FKBP15: variants seen among roughly 807,000 people sequenced by gnomAD.
FKBP15 encodes FKBP prolyl isomerase family member 15.
A neutral mutation model predicts 158.1 loss-of-function variants in FKBP15; 106 were observed. The observed-to-expected ratio is 0.67, with a 90% confidence interval of 0.57 to 0.79. FKBP15 has a LOEUF of 0.79. Among genes scored for constraint, FKBP15 ranks in the 30% least tolerant of loss-of-function variants. FKBP15 has a pLI of 0.00. For missense variants in FKBP15, 1,287 were observed against 1,479.1 expected, an observed-to-expected ratio of 0.87 and a Z score of 2.13; for synonymous variants, 547 against 548.6, an observed-to-expected ratio of 1.00 and a Z score of 0.04.
At chr9:113,209,341 C>A (rs1395261572) in intron 2 of FKBP15, among the ~76,000 whole-genome samples, 1 of 152,182 alleles carries the variant, frequency 6.6e-6, no homozygotes, top group Admixed American at 6.5e-5. Context: ...TGGGTGGGAA[C>A]TAAGGTTGTT....
In FKBP15 at chr9:113,169,844, A is replaced by G; in HGVS notation, c.2865T>C (p.Pro955=). The G allele has an allele frequency of 6.4e-7, 1 of 1,556,300 alleles. No individual in the cohort carries two copies. Residue 955 remains proline, a synonymous_variant, in exon 26 of 28, where the codon CCT becomes CCC. Transcript: ENST00000238256. ...TGGCTGAGGCTGACTGCTCCTGGGA[A>G]GGTCTTCGTGGCCGCTCTTCTGCTT... The part of the protein sequence containing the change: ...EEKAEERPRR[P]SQEQSASASS...
chr9:113,209,177 T>C (rs986365165), intron 2 of FKBP15, among the ~76,000 whole-genome samples: 3 of 152,166 alleles, frequency 2.0e-5, no homozygotes, highest in Admixed American at 2.0e-4. Flanking sequence ...AATAATCAAG[T>C]TAGCCAGGTG....
chr9:113,162,639 A>T lies in FKBP15; in HGVS notation c.*3439T>A. The T allele has an allele frequency of 2.0e-6, 2 of 1,009,730 alleles. No individual in the cohort carries two copies. The highest frequency in any genetic ancestry group is 1.6e-5 in the African/African-American group (1 of 61,886). 62.5% of individuals were successfully genotyped at this position (1,009,730 alleles called of 1,614,324 possible). Reference sequence around the variant, plus strand: ...CTCCTGGGTTAAGCATACAAGTTATAAATCAATCGGGTCACGTAACTCAAC... The same window carrying T: ...CTCCTGGGTTAAGCATACAAGTTATTAATCAATCGGGTCACGTAACTCAAC... On this transcript the variant is annotated 3_prime_UTR_variant, in exon 28 of 28. Coordinates refer to ENST00000238256, the MANE Select transcript of FKBP15 (RefSeq NM_015258.2).
At chr9:113,204,117 G>C (rs1830844752) in intron 4 of FKBP15, among the ~76,000 whole-genome samples, 1 of 151,786 alleles carries the variant, frequency 6.6e-6, no homozygotes, top group African/African-American at 2.4e-5. Flanking sequence ...CACTCTTGTT[G>C]CCCAGGCTGG....
In FKBP15 at chr9:113,171,583, T is replaced by G. The variant is rs1830209649; in HGVS notation, c.2656A>C (p.Lys886Gln). 2 of 1,607,996 alleles carry G rather than the reference T, an allele frequency of 1.2e-6. No homozygotes were observed. The highest frequency in any genetic ancestry group is 1.7e-6 in the Non-Finnish European group (2 of 1,176,934). Residue 886 changes from lysine (K) to glutamine (Q), a missense_variant and splice_region_variant, in exon 24 of 28, where the codon AAG becomes CAG. Coordinates refer to ENST00000238256, the MANE Select transcript of FKBP15 (RefSeq NM_015258.2). ...TCTCATTTGAAATACCAGCTCACCT[T>G]CTCTGAGGGGTCAGATGCAGCAGCT... ...VEAAASDPSE[K>Q]VKKIMNQVFQ... is the part of the protein sequence containing the mutation.
rs972018047 is a variant in FKBP15, at chr9:113,203,633, T to G, written c.325-598A>C. Among the ~76,000 whole-genome samples, 12 of 151,742 alleles carry G rather than the reference T, an allele frequency of 7.9e-5. 1 individual carries two copies. Among genetic ancestry groups the G allele is most frequent in the South Asian group, 6.3e-4 (3 of 4,764 alleles). ...ACCACTGCCTCCCGGGTTCAAGCAA[T>G]TCTCCTGCCTCAGGCTCCCGAGCAG... On this transcript the variant is annotated intron_variant, in intron 4 of 27. Coordinates refer to ENST00000238256, the MANE Select transcript of FKBP15 (RefSeq NM_015258.2).
intron 1 of FKBP15, among the ~76,000 whole-genome samples, chr9:113,218,339 A>G (rs1831182399): frequency 6.7e-6 from 1 of 149,308 alleles, no homozygotes; most frequent in Non-Finnish European, 1.5e-5. Context: ...AAACGGATAT[A>G]ATAATTAATA....
At chr9:113,215,611 T>C (rs868030631) in intron 1 of FKBP15, among the ~76,000 whole-genome samples, 9,058 of 113,946 alleles carry the variant, frequency 0.079, 443 homozygotes, top group East Asian at 0.17. Flanking sequence ...TGTGCGTGTG[T>C]GTGTGTGTGT....
chr9:113,168,262 A>C (rs1209257770), intron 27 of FKBP15, among the ~76,000 whole-genome samples, 198 bp downstream of exon 27: 1 of 152,186 alleles, frequency 6.6e-6, no homozygotes, highest in Non-Finnish European at 1.5e-5. Flanking sequence ...CTCAAAAGTA[A>C]AGTGGTATGT....
intron 24 of FKBP15, 118 bp downstream of exon 24, chr9:113,171,463 T>A (rs1830207184): frequency 7.8e-7 from 1 of 1,287,396 alleles, no homozygotes; most frequent in Admixed American, 2.6e-5. Flanking sequence ...TTTAAAGTCA[T>A]CAGACAAGTA....
At position 113,174,845 on chromosome 9, in the gene FKBP15, G is replaced by A. The variant is rs1384557764; in HGVS notation, c.2224-262C>T. Among the ~76,000 whole-genome samples the A allele has an allele frequency of 5.9e-4, 3 of 5,084 alleles. 1 individual carries two copies. Among genetic ancestry groups the A allele is most frequent in the Non-Finnish European group, 9.0e-4 (2 of 2,234 alleles). The allele number at this position is 5,084 out of a possible 152,430, so 3.3% of individuals were successfully genotyped here. A position where few individuals can be genotyped will look rare whatever the true frequency, so the allele number is the denominator to read the frequency against. ...TGGGAGGCCGAGGCGGGCGGATCAC[G>A]AGGTCAGGAGATCGAGACCATCCCG... On this transcript the variant is annotated intron_variant, in intron 21 of 27. Transcript: ENST00000238256.
At chr9:113,191,342 A>C (rs1361901770) in intron 11 of FKBP15, among the ~76,000 whole-genome samples, 2 of 151,964 alleles carry the variant, frequency 1.3e-5, no homozygotes, top group East Asian at 1.9e-4. Context: ...TTTTTGGTCG[A>C]GAAAGGGCTT....
intron 19 of FKBP15, among the ~76,000 whole-genome samples, chr9:113,182,179 T>A (rs1830410482): frequency 6.6e-6 from 1 of 151,846 alleles, no homozygotes; most frequent in African/African-American, 2.4e-5. Context: ...AGAAAGACAG[T>A]AGATGAAAAA....
At chr9:113,166,439 T>G (rs187375601) in intron 27 of FKBP15, among the ~76,000 whole-genome samples, 2 of 152,230 alleles carry the variant, frequency 1.3e-5, no homozygotes, top group Admixed American at 1.3e-4. Flanking sequence ...CAGATTTTCC[T>G]CTCATGCAGT....
intron 3 of FKBP15, chr9:113,207,001 C>T (rs2118938728): frequency 3.8e-6 from 2 of 523,812 alleles, no homozygotes; most frequent in Middle Eastern, 5.4e-4. Context: ...GTTGAGGGTA[C>T]AAGCACTCCC....
chr9:113,200,051 T>G, intron 6 of FKBP15, 88 bp from the exon 7 acceptor site: 2 of 1,353,800 alleles, frequency 1.5e-6, no homozygotes, highest in Non-Finnish European at 2.0e-6. Context: ...CTCAAATAGC[T>G]TCATCCACTA....
intron 4 of FKBP15, chr9:113,205,865 T>C (rs2118936134): frequency 6.6e-6 from 1 of 152,334 alleles, no homozygotes; most frequent in South Asian, 2.1e-4. Flanking sequence ...TGATGCATGC[T>C]ATAACATGGG....
rs970949666 is a variant in FKBP15, at chr9:113,162,112, T to A, written c.*3966A>T. On this transcript the variant is annotated 3_prime_UTR_variant, in exon 28 of 28. Transcript: ENST00000238256. ...AGGAGGATGACAAGCTCTCCTCTCCTCCCTTCCCACTCGAATCAGGCAACC... is the reference window on the plus strand; with the variant it reads ...AGGAGGATGACAAGCTCTCCTCTCCACCCTTCCCACTCGAATCAGGCAACC... The A allele has an allele frequency of 2.1e-5, 7 of 335,362 alleles. No individual in the cohort carries two copies. Among genetic ancestry groups the A allele is most frequent in the African/African-American group, 1.3e-4 (6 of 45,994 alleles). The allele number at this position is 335,362 out of a possible 1,614,324, so 20.8% of individuals were successfully genotyped here. A position where few individuals can be genotyped will look rare whatever the true frequency, so the allele number is the denominator to read the frequency against.
chr9:113,205,130 G>C (rs561649090), intron 4 of FKBP15, among the ~76,000 whole-genome samples: 17 of 152,256 alleles, frequency 1.1e-4, no homozygotes, highest in African/African-American at 3.9e-4. Context: ...TTTGGTAATG[G>C]ATTCTCAGAT....
Sources: allele counts gnomAD v4.1 joint callset (sites outside exome capture counted in the v4.1 genomes callset), GRCh38; gene constraint gnomAD v4.1.1; transcripts MANE v1.5; gene names NCBI Gene and HGNC (gene_info 2026-07-23, HGNC 2026-07-21).